CADM1: variants seen among roughly 807,000 people sequenced by gnomAD.
The protein encoded by CADM1 is TSLC-1.
CADM1 carries 15 observed loss-of-function variants against 53.1 expected under a neutral mutation model. The observed-to-expected ratio is 0.28, with a 90% CI of 0.19 to 0.44. The LOEUF (loss-of-function observed/expected upper bound fraction) is 0.44, where lower values mean the gene tolerates loss of function less well. Ranked by LOEUF, CADM1 falls within the 20% of genes least tolerant of loss-of-function variation. The pLI is 1.00. For missense variants in CADM1, 434 were observed against 611.3 expected, an observed-to-expected ratio of 0.71 and a Z score of 3.06; for synonymous variants, 281 against 243.0, an observed-to-expected ratio of 1.16 and a Z score of -1.45.
intron 1 of CADM1, among the ~76,000 whole-genome samples, chr11:115,493,924 G>A (rs1440345487): frequency 6.6e-6 from 1 of 152,180 alleles, no homozygotes; most frequent in Non-Finnish European, 1.5e-5. Context: ...TATCCAATGT[G>A]TGATCTCTGA....
chr11:115,332,856 C>G lies in CADM1; in HGVS notation c.125-92436G>C, dbSNP rs73578109. Among the ~76,000 whole-genome samples the G allele has an allele frequency of 8.2e-3, 1,243 of 152,146 alleles. 18 individuals carry two copies. The highest frequency in any genetic ancestry group is 0.027 in the African/African-American group (1,110 of 41,494). On this transcript the variant is annotated intron_variant, in intron 1 of 11. Coordinates refer to ENST00000331581, the MANE Select transcript of CADM1 (RefSeq NM_001301043.2). ...TATATTTAATCCCTACTTGTCAACC[C>G]AGGAATACAGAGAATGGGGGGAAAA...
chr11:115,178,605 T>TG (rs1469724093), intron 11 of CADM1, 39 bp downstream of exon 11: 6 of 1,606,636 alleles, frequency 3.7e-6, no homozygotes, highest in Non-Finnish European at 5.1e-6. Context: ...GCAGAAGCTG[T>TG]GGGGACACGC....
At chr11:115,254,570 A>G (rs1421913288) in intron 1 of CADM1, among the ~76,000 whole-genome samples, 1 of 148,548 alleles carries the variant, frequency 6.7e-6, no homozygotes, top group Non-Finnish European at 1.5e-5. Flanking sequence ...ACACACACAC[A>G]CACACACACA....
intron 1 of CADM1, among the ~76,000 whole-genome samples, chr11:115,293,086 A>C (rs1943949866): frequency 6.6e-6 from 1 of 152,180 alleles, no homozygotes; most frequent in Non-Finnish European, 1.5e-5. Context: ...AAACGACATT[A>C]AAAGAGGAGA....
intron 1 of CADM1, among the ~76,000 whole-genome samples, chr11:115,242,145 T>G (rs1942256981): frequency 6.6e-6 from 1 of 151,928 alleles, no homozygotes; most frequent in Non-Finnish European, 1.5e-5. Context: ...CAAAAATTTC[T>G]GATGCTTGAG....
At chr11:115,271,337 C>T (rs1266930742) in intron 1 of CADM1, among the ~76,000 whole-genome samples, 1 of 152,092 alleles carries the variant, frequency 6.6e-6, no homozygotes, top group African/African-American at 2.4e-5. Context: ...GGCTAGAGGG[C>T]AGTGGTGCCA....
At position 115,176,357 on chromosome 11, in the gene CADM1, A is replaced by G; in HGVS notation, c.*117T>C. ...GCAAATCCCAAGCCTTCCCAGTCTC[A>G]CACCTTTCCACCCATTCATAAAAAA... On this transcript the variant is annotated 3_prime_UTR_variant, in exon 12 of 12. Transcript: ENST00000331581. 1 of 1,592,718 alleles carries G rather than the reference A, an allele frequency of 6.3e-7. No individual in the cohort carries two copies. Among genetic ancestry groups the G allele is most frequent in the Non-Finnish European group, 8.6e-7 (1 of 1,167,268 alleles).
intron 6 of CADM1, among the ~76,000 whole-genome samples, chr11:115,215,998 T>G (rs537110963): frequency 6.6e-6 from 1 of 152,224 alleles, no homozygotes; most frequent in Admixed American, 6.5e-5. Context: ...CACAACCCAG[T>G]AAATTATTTA....
intron 1 of CADM1, among the ~76,000 whole-genome samples, chr11:115,323,740 T>C (rs1944885101): frequency 6.6e-6 from 1 of 152,078 alleles, no homozygotes; most frequent in Non-Finnish European, 1.5e-5. Context: ...AAGAATTATT[T>C]CCTAGGACAG....
At chr11:115,343,690 T>C (rs986515335) in intron 1 of CADM1, among the ~76,000 whole-genome samples, 1 of 142,120 alleles carries the variant, frequency 7.0e-6, no homozygotes, top group African/African-American at 2.6e-5. Flanking sequence ...TTTCTATAAA[T>C]AATGTTCAAA....
chr11:115,498,677 G>GC (rs1310543748), intron 1 of CADM1, among the ~76,000 whole-genome samples: 1 of 152,200 alleles, frequency 6.6e-6, no homozygotes, highest in African/African-American at 2.4e-5. Flanking sequence ...AGCTTCTCTG[G>GC]CCTCTGCCTT....
intron 1 of CADM1, among the ~76,000 whole-genome samples, chr11:115,492,387 T>C (rs1373376552): frequency 6.6e-6 from 1 of 152,186 alleles, no homozygotes; most frequent in African/African-American, 2.4e-5. Context: ...GAATGGACAG[T>C]TTTGATTTTG....
At chr11:115,465,342 A>C (rs1001258036) in intron 1 of CADM1, among the ~76,000 whole-genome samples, 2 of 152,194 alleles carry the variant, frequency 1.3e-5, no homozygotes, top group Non-Finnish European at 2.9e-5. Context: ...AAAAAGCTCC[A>C]TATGATGAAC....
At chr11:115,473,154 A>G (rs1023170690) in intron 1 of CADM1, among the ~76,000 whole-genome samples, 71 of 152,186 alleles carry the variant, frequency 4.7e-4, no homozygotes, top group African/African-American at 1.7e-3. Flanking sequence ...CTCATCAGTA[A>G]TCTGAGGTTT....
chr11:115,441,505 G>T (rs572301985), intron 1 of CADM1, among the ~76,000 whole-genome samples: 1 of 152,288 alleles, frequency 6.6e-6, no homozygotes, highest in South Asian at 2.1e-4. Flanking sequence ...TCACTGCTTG[G>T]AAACAGTAGG....
chr11:115,342,310 T>C (rs905881526), intron 1 of CADM1, among the ~76,000 whole-genome samples: 7 of 152,220 alleles, frequency 4.6e-5, no homozygotes, highest in African/African-American at 1.7e-4. Context: ...AAGAGTTGTA[T>C]GTGTACTCTG....
At chr11:115,359,769 A>G (rs1302724325) in intron 1 of CADM1, among the ~76,000 whole-genome samples, 1 of 152,212 alleles carries the variant, frequency 6.6e-6, no homozygotes, top group Non-Finnish European at 1.5e-5. Flanking sequence ...AGAATGGCAC[A>G]TGCAAACACT....
Position 115,369,026 on chromosome 11 carries a change from T to TAAAAAAAAAAAAAA in CADM1, c.125-128620_125-128607dup, listed in dbSNP as rs552309443. On this transcript the variant is annotated intron_variant, in intron 1 of 11. Coordinates refer to ENST00000331581, the MANE Select transcript of CADM1 (RefSeq NM_001301043.2). ...GTGCCTAGCAGAGTGAAAAAAAATC[T>TAAAAAAAAAAAAAA]AAAAAAAAAAAAAAAAAAAAAAAAA... 5.7e-3 allele frequency among the ~76,000 whole-genome samples: 253 copies of TAAAAAAAAAAAAAA among 44,738 alleles called. 27 individuals are homozygous for TAAAAAAAAAAAAAA. The highest frequency in any genetic ancestry group is 8.2e-3 in the Non-Finnish European group (200 of 24,304). 29.3% of individuals were successfully genotyped at this position (44,738 alleles called of 152,430 possible). A position where few individuals can be genotyped will look rare whatever the true frequency, so the allele number is the denominator to read the frequency against.
At chr11:115,499,589 C>G (rs542896503) in intron 1 of CADM1, among the ~76,000 whole-genome samples, 13 of 152,382 alleles carry the variant, frequency 8.5e-5, no homozygotes, top group African/African-American at 2.9e-4. Flanking sequence ...ATATCTCTGA[C>G]CAGGCATCCT....
Sources: gnomAD v4.1 joint callset for allele counts (sites outside exome capture counted in the v4.1 genomes callset) on GRCh38, gnomAD v4.1.1 for gene constraint, MANE v1.5 for transcripts, NCBI Gene and HGNC (gene_info 2026-07-23, HGNC 2026-07-21) for gene names.